Variants in SCG3 observed in about 807,000 individuals in gnomAD.
The protein encoded by SCG3 is secretogranin III.
A neutral mutation model predicts 56.2 loss-of-function variants in SCG3; 38 were observed. The ratio of observed to expected loss-of-function variants is 0.68; its 90% confidence interval spans 0.52 to 0.89. The LOEUF (loss-of-function observed/expected upper bound fraction) is 0.89, where lower values mean the gene tolerates loss of function less well. Among genes scored for constraint, SCG3 ranks in the 40% least tolerant of loss-of-function variants. SCG3 has a pLI of 0.00. For synonymous variants in SCG3, 176 were observed against 184.2 expected (o/e 0.96, Z 0.36); for missense variants, 524 against 540.7 (o/e 0.97, Z 0.31).
rs560101184 is a variant in SCG3, at chr15:51,701,530, A to G, written c.1207+286A>G. Among the ~76,000 whole-genome samples, 17 of 152,318 alleles carry G rather than the reference A, an allele frequency of 1.1e-4. No homozygotes were observed. The South Asian group carries it at 1.7e-3, about 15-fold the overall frequency. Reference sequence around the variant, plus strand: ...TATGACCATTAGTGCATTGTTTAACATATAATTTATAATCTTATGAATTTA... The same window carrying G: ...TATGACCATTAGTGCATTGTTTAACGTATAATTTATAATCTTATGAATTTA... On this transcript the variant is annotated intron_variant, in intron 10 of 11. Coordinates refer to ENST00000220478, the MANE Select transcript of SCG3 (RefSeq NM_013243.4).
intron 9 of SCG3, among the ~76,000 whole-genome samples, chr15:51,700,685 G>C (rs2055333750): frequency 6.6e-6 from 1 of 152,176 alleles, no homozygotes; most frequent in African/African-American, 2.4e-5. Flanking sequence ...GGCAGCTATA[G>C]AGTTATTATC....
Position 51,719,771 on chromosome 15 carries a change from T to TCTGA in SCG3, c.*245_*246insCTGA, listed in dbSNP as rs1314605612. On this transcript the variant is annotated 3_prime_UTR_variant, in exon 12 of 12. Coordinates refer to ENST00000220478, the MANE Select transcript of SCG3 (RefSeq NM_013243.4). ...TCCTTATTTCCTCATAGACTTATAT[T>TCTGA]TTATAATCAGAATATGTTGCTTTGA... The TCTGA allele has an allele frequency of 4.3e-6, 2 of 467,988 alleles. No individual in the cohort carries two copies. Among genetic ancestry groups the TCTGA allele is most frequent in the East Asian group, 3.6e-5 (1 of 27,416 alleles). The allele number at this position is 467,988 out of a possible 1,614,324, so 29.0% of individuals were successfully genotyped here.
chr15:51,688,664 T>A (rs2055245830), intron 5 of SCG3, among the ~76,000 whole-genome samples: 1 of 152,056 alleles, frequency 6.6e-6, no homozygotes, highest in Non-Finnish European at 1.5e-5. Flanking sequence ...TATATCCAAC[T>A]GGCAGTAAGG....
intron 6 of SCG3, 28 bp downstream of exon 6, chr15:51,689,396 TGGGG>T (rs761803593): frequency 3.0e-6 from 4 of 1,324,946 alleles, no homozygotes; most frequent in East Asian, 3.0e-5. Context: ...TGCATATGCA[TGGGG>T]GTGTGTGTGT....
At chr15:51,716,059 G>A (rs1481435135) in intron 11 of SCG3, among the ~76,000 whole-genome samples, 3 of 152,144 alleles carry the variant, frequency 2.0e-5, no homozygotes, top group African/African-American at 2.4e-5. Flanking sequence ...GGGTTTCACC[G>A]TGTTAGCCTG....
chr15:51,689,233 A>G lies in SCG3; in HGVS notation c.555A>G (p.Gln185=), dbSNP rs1337042848. 1.2e-6 allele frequency: 2 copies of G among 1,613,956 alleles called. No individual in the cohort carries two copies. The highest frequency in any genetic ancestry group is 1.1e-5 in the South Asian group (1 of 91,070). Reference sequence around the variant, plus strand: ...TTTTATGATAGATCACAGAAAGCCAAGCACATACACTGGAAGATGAAGTAG... The same window carrying G: ...TTTTATGATAGATCACAGAAAGCCAGGCACATACACTGGAAGATGAAGTAG... ...LLNLGLITES[Q]AHTLEDEVAE... Residue 185 remains glutamine, a synonymous_variant, in exon 6 of 12, where the codon CAA becomes CAG. Transcript: ENST00000220478.
In SCG3 at chr15:51,681,658, C is replaced by CA; in HGVS notation, c.-98_-97insA. On this transcript the variant is annotated 5_prime_UTR_variant, in exon 1 of 12. It adds an upstream start codon to the 5' untranslated region. Coordinates refer to ENST00000220478, the MANE Select transcript of SCG3 (RefSeq NM_013243.4). ...CCTCTCCCGCCCCACACCCACCCTC[C>CA]TGGCTCTTCCTGTTTTTACTCCTCC... 1.3e-6 allele frequency: 1 copy of CA among 754,784 alleles called. No homozygotes were observed. 46.8% of individuals were successfully genotyped at this position (754,784 alleles called of 1,614,324 possible).
intron 11 of SCG3, among the ~76,000 whole-genome samples, chr15:51,713,657 C>T (rs1009315726): frequency 3.3e-5 from 5 of 152,194 alleles, no homozygotes; most frequent in Admixed American, 1.3e-4. Flanking sequence ...GTCAAGCAAA[C>T]GTAGAACGAA....
At chr15:51,713,201 C>T (rs1438299989) in intron 10 of SCG3, 132 bp from the exon 11 acceptor site, 1 of 623,438 alleles carries the variant, frequency 1.6e-6, no homozygotes, top group African/African-American at 1.9e-5. Context: ...ATGTACATTA[C>T]CTAGTTAGGG....
At chr15:51,715,859 CA>C (rs2055451420) in intron 11 of SCG3, among the ~76,000 whole-genome samples, 1 of 150,758 alleles carries the variant, frequency 6.6e-6, no homozygotes. Context: ...TGGGAGTCTG[CA>C]CTTTTTTTTT....
intron 9 of SCG3, among the ~76,000 whole-genome samples, chr15:51,700,895 C>G (rs1010155838): frequency 1.3e-5 from 2 of 152,022 alleles, no homozygotes; most frequent in African/African-American, 4.8e-5. Context: ...CATGGGATGA[C>G]TTTAGACATA....
At chr15:51,709,150 G>T (rs1236516834) in intron 10 of SCG3, among the ~76,000 whole-genome samples, 1 of 152,184 alleles carries the variant, frequency 6.6e-6, no homozygotes, top group African/African-American at 2.4e-5. Flanking sequence ...AAACAAACAA[G>T]TCCTCCTTCA....
At chr15:51,719,091 C>T (rs2055478655) in intron 11 of SCG3, among the ~76,000 whole-genome samples, 1 of 152,152 alleles carries the variant, frequency 6.6e-6, no homozygotes. Context: ...CCAATAGCCC[C>T]AGGTGTTTGG....
chr15:51,688,375 T>C lies in SCG3; in HGVS notation c.513T>C (p.Ile171=). 1 of 1,613,606 alleles carries C rather than the reference T, an allele frequency of 6.2e-7. No individual in the cohort carries two copies. Among genetic ancestry groups the C allele is most frequent in the Non-Finnish European group, 8.5e-7 (1 of 1,179,764 alleles). ...EENDRAVFDK[I]VSKLLNLGLI... ...ATGACAGAGCCGTGTTTGACAAGAT[T>C]GTTTCTAAACTACTTAATCTCGGCC... The change falls in exon 5 of 12, where the codon ATT becomes ATC. Residue 171 remains isoleucine, a synonymous_variant. Coordinates refer to ENST00000220478, the MANE Select transcript of SCG3 (RefSeq NM_013243.4).
At chr15:51,717,530 C>CA (rs903686046) in intron 11 of SCG3, among the ~76,000 whole-genome samples, 18 of 75,680 alleles carry the variant, frequency 2.4e-4, no homozygotes, top group African/African-American at 4.2e-4. Flanking sequence ...GAGACCCTGT[C>CA]AAAAAAAAAG....
chr15:51,710,525 C>G (rs1039927918), intron 10 of SCG3, among the ~76,000 whole-genome samples: 2 of 152,092 alleles, frequency 1.3e-5, no homozygotes, highest in East Asian at 3.8e-4. Context: ...AAATTCCATA[C>G]CATTTTTATA....
At chr15:51,686,214 T>C (rs1258454728) in intron 4 of SCG3, among the ~76,000 whole-genome samples, 1 of 152,208 alleles carries the variant, frequency 6.6e-6, no homozygotes, top group African/African-American at 2.4e-5. Flanking sequence ...GAAGCCATTC[T>C]GAGTCATACT....
intron 7 of SCG3, chr15:51,693,851 C>CCTA (rs2055284617): frequency 6.6e-6 from 1 of 152,180 alleles, no homozygotes. Context: ...TGGCAGATGC[C>CCTA]CTACTCAGAA....
intron 4 of SCG3, among the ~76,000 whole-genome samples, chr15:51,686,590 T>C (rs2055229924): frequency 6.6e-6 from 1 of 152,152 alleles, no homozygotes; most frequent in South Asian, 2.1e-4. Flanking sequence ...AATCCGCAAA[T>C]GGAAAAATCA....
Sources: gnomAD v4.1 joint callset for allele counts (sites outside exome capture counted in the v4.1 genomes callset) on GRCh38, gnomAD v4.1.1 for gene constraint, MANE v1.5 for transcripts, NCBI Gene and HGNC (gene_info 2026-07-23, HGNC 2026-07-21) for gene names.